Variants in CAMSAP1 observed in about 807,000 individuals in gnomAD.
CAMSAP1 encodes the protein calmodulin-regulated spectrin-associated protein 1.
Under a neutral mutation model 143.5 loss-of-function variants are expected in CAMSAP1, and 58 were observed. The ratio of observed to expected loss-of-function variants is 0.40; its 90% CI spans 0.33 to 0.50. The LOEUF (loss-of-function observed/expected upper bound fraction) is 0.50, where lower values mean the gene tolerates loss of function less well. Among genes scored for constraint, CAMSAP1 ranks in the 20% least tolerant of loss-of-function variants. The probability of loss-of-function intolerance (pLI) is 0.45; values close to 1 mark genes in which losing one functional copy is unlikely to be tolerated. For synonymous variants in CAMSAP1, 945 were observed against 859.3 expected (o/e 1.10, Z -1.74); for missense variants, 1,969 against 2,115.7 (o/e 0.93, Z 1.36).
chr9:135,897,563 C>A (rs1487252888), intron 1 of CAMSAP1, among the ~76,000 whole-genome samples: 3 of 152,168 alleles, frequency 2.0e-5, no homozygotes, highest in Non-Finnish European at 4.4e-5. Flanking sequence ...ATAGTAGTGA[C>A]CTAGCTTTAG....
At position 135,822,623 on chromosome 9, in the gene CAMSAP1, C is replaced by G. The variant is rs138244081; in HGVS notation, c.2038G>C (p.Gly680Arg). 5.6e-6 allele frequency: 9 copies of G among 1,612,526 alleles called. No homozygotes were observed. The highest frequency in any genetic ancestry group is 1.1e-5 in the South Asian group (1 of 90,994). The stretch of plus-strand genomic sequence containing the variant: ...AATCCGCCAAGGGCCAGAGGCCCAC[C>G]ACAGACCTCTCCTGCGGTTTCCACT... ...LSVETAGEVC[G>R]GPLALGGFDP... Residue 680 changes from glycine to arginine, a missense_variant, in exon 11 of 17, where the codon GGT (glycine) becomes CGT (arginine). Coordinates refer to ENST00000389532, the MANE Select transcript of CAMSAP1 (RefSeq NM_015447.4). The surrounding 1 kb of genome is among the most constrained non-coding windows in gnomAD (Gnocchi z 6.1).
chr9:135,906,792 G>T (rs1388365339), intron 1 of CAMSAP1, among the ~76,000 whole-genome samples: 1 of 151,998 alleles, frequency 6.6e-6, no homozygotes, highest in Non-Finnish European at 1.5e-5. Flanking sequence ...CCGCCGCAGG[G>T]ACGCCCACTC....
chr9:135,838,861 AGCCACACGTTC>A (rs1320181350), intron 7 of CAMSAP1, among the ~76,000 whole-genome samples: 1 of 151,816 alleles, frequency 6.6e-6, no homozygotes, highest in Non-Finnish European at 1.5e-5. Flanking sequence ...CCCATTCTGT[AGCCACACGTTC>A]GCCACGTACC....
At chr9:135,840,773 C>T (rs1019103326) in intron 7 of CAMSAP1, among the ~76,000 whole-genome samples, 30 of 152,286 alleles carry the variant, frequency 2.0e-4, no homozygotes, top group African/African-American at 6.7e-4. Context: ...GGGGAACTCC[C>T]TCTTCCAGCC....
rs117264698 is a variant in CAMSAP1, at chr9:135,905,183, C to T, written c.160+1817G>A. On this transcript the variant is annotated intron_variant, in intron 1 of 16. Coordinates refer to ENST00000389532, the MANE Select transcript of CAMSAP1 (RefSeq NM_015447.4). ...AGTATCAGATTGTGAATTCATCATCCGATGAGTCAACAAGGATTAAAGAGT... is the reference window on the plus strand; with the variant it reads ...AGTATCAGATTGTGAATTCATCATCTGATGAGTCAACAAGGATTAAAGAGT... Among the ~76,000 whole-genome samples the T allele has an allele frequency of 1.2e-3, 189 of 152,208 alleles. 4 individuals are homozygous for T. The East Asian group carries it at 0.032, about 26-fold the overall frequency.
chr9:135,814,542 C>T (rs540878863), intron 16 of CAMSAP1, among the ~76,000 whole-genome samples: 4 of 152,340 alleles, frequency 2.6e-5, no homozygotes, highest in Non-Finnish European at 4.4e-5. Flanking sequence ...TGCTTCCAAG[C>T]CCCTCCCTGG....
chr9:135,868,923 G>A (rs1588489133), intron 3 of CAMSAP1, among the ~76,000 whole-genome samples: 1 of 151,856 alleles, frequency 6.6e-6, no homozygotes, highest in East Asian at 1.9e-4. Flanking sequence ...GCCAAGATTG[G>A]CAATATCAAT....
intron 7 of CAMSAP1, among the ~76,000 whole-genome samples, chr9:135,842,748 A>G (rs113601359): frequency 5.3e-5 from 8 of 152,254 alleles, no homozygotes; most frequent in Admixed American, 6.5e-5. Flanking sequence ...ACTAAGCTTC[A>G]TAAGCGAAGG....
chr9:135,903,958 G>T (rs572405505), intron 1 of CAMSAP1, among the ~76,000 whole-genome samples: 1 of 152,292 alleles, frequency 6.6e-6, no homozygotes, highest in Admixed American at 6.5e-5. Flanking sequence ...CTCACACCTA[G>T]GCTGTGACCC....
rs1478469681 is a variant in CAMSAP1, at chr9:135,841,296, C to CTAGA, written c.1045+8837_1045+8840dup. 2.6e-5 allele frequency among the ~76,000 whole-genome samples: 4 copies of CTAGA among 152,322 alleles called. No homozygotes were observed. The East Asian group carries it at 7.7e-4, about 29-fold the overall frequency. ...AAGCCGCTGTAGCCAGACTGCCTCT[C>CTAGA]TAGATTCCTCCTCTCTGAGCAGGGC... On this transcript the variant is annotated intron_variant, in intron 7 of 16. Transcript: ENST00000389532.
chr9:135,823,306 A>G (rs1428748213), intron 10 of CAMSAP1, 46 bp from the exon 11 acceptor site: 2 of 1,512,340 alleles, frequency 1.3e-6, no homozygotes, highest in South Asian at 2.7e-5. Flanking sequence ...GTATACACCA[A>G]AGACCCCCAA....
intron 5 of CAMSAP1, among the ~76,000 whole-genome samples, chr9:135,851,769 C>G (rs1836791761): frequency 6.6e-6 from 1 of 152,344 alleles, no homozygotes; most frequent in South Asian, 2.1e-4. Flanking sequence ...AGATTTCCGT[C>G]ACTCATCTTG....
intron 3 of CAMSAP1, among the ~76,000 whole-genome samples, chr9:135,878,816 A>C (rs1251265048): frequency 6.6e-6 from 1 of 152,220 alleles, no homozygotes; most frequent in African/African-American, 2.4e-5. Flanking sequence ...ACCCGGGAGA[A>C]AGTCACATAA....
intron 5 of CAMSAP1, 106 bp from the exon 6 acceptor site, chr9:135,850,567 G>T: frequency 1.1e-6 from 1 of 878,408 alleles, no homozygotes. Flanking sequence ...TAGTAATGAA[G>T]ATAATGACAT....
In CAMSAP1 at chr9:135,862,534, GTC is replaced by G; in HGVS notation, c.739_740del (p.Asp247ArgfsTer3). 1 of 1,551,624 alleles carries G rather than the reference GTC, an allele frequency of 6.4e-7. No homozygotes were observed. The highest frequency in any genetic ancestry group is 8.7e-7 in the Non-Finnish European group (1 of 1,146,988). On this transcript the variant is annotated frameshift_variant, in exon 5 of 17. Transcript: ENST00000389532. LOFTEE classifies it high-confidence loss of function. The stretch of plus-strand genomic sequence containing the variant: ...CTAAGAGAGCAGCACCATCACTGCC[GTC>G]TCTCATCAAATCCTCCAACAACGGG... The part of the protein sequence containing the change: ...YFPLLEDLMR[D>X]GSDGAALLAV...
At chr9:135,874,533 A>G (rs970176740) in intron 3 of CAMSAP1, among the ~76,000 whole-genome samples, 3 of 152,172 alleles carry the variant, frequency 2.0e-5, no homozygotes, top group Non-Finnish European at 4.4e-5. Context: ...TCTATGAAAA[A>G]AAAATTACAA....
chr9:135,876,493 G>C (rs936939971), intron 3 of CAMSAP1, among the ~76,000 whole-genome samples: 62 of 152,164 alleles, frequency 4.1e-4, no homozygotes, highest in African/African-American at 1.4e-3. Context: ...ACGACAATGA[G>C]CGACAGTTAC....
Position 135,838,724 on chromosome 9 carries a change from A to ACGT in CAMSAP1, c.1046-11141_1046-11140insACG, listed in dbSNP as rs1564432252. On this transcript the variant is annotated intron_variant, in intron 7 of 16. Transcript: ENST00000389532. Reference sequence around the variant, plus strand: ...CACTTTCCACCCGTTCTACAGACACACATCATCATGCACTTTCCACCTGTT... The same window carrying ACGT: ...CACTTTCCACCCGTTCTACAGACACACGTCATCATCATGCACTTTCCACCTGTT... Among the ~76,000 whole-genome samples the ACGT allele has an allele frequency of 4.1e-4, 61 of 148,400 alleles. 1 individual carries two copies. The highest frequency in any genetic ancestry group is 1.4e-3 in the African/African-American group (55 of 39,394).
chr9:135,856,925 ACCT>A (rs1450995288), intron 5 of CAMSAP1, among the ~76,000 whole-genome samples: 2 of 151,520 alleles, frequency 1.3e-5, no homozygotes, highest in African/African-American at 4.9e-5. Flanking sequence ...GCCTCCCTCC[ACCT>A]CCTCTTCAGG....
Sources: gnomAD v4.1 joint callset for allele counts (sites outside exome capture counted in the v4.1 genomes callset) on GRCh38, gnomAD v4.1.1 for gene constraint, Gnocchi (gnomAD v3.1) non-coding constraint, MANE v1.5 for transcripts, NCBI Gene and HGNC (gene_info 2026-07-23, HGNC 2026-07-21) for gene names.